The following ATP7A variants were observed in gnomAD, a reference collection of about 807,000 sequenced individuals.
The protein encoded by ATP7A is copper-transporting ATPase 1.
A neutral mutation model predicts 83.5 loss-of-function variants in ATP7A; 7 were observed. That is an observed-to-expected ratio of 0.08 (90% confidence interval 0.05 to 0.16). The LOEUF is 0.16. Ranked by LOEUF, ATP7A falls within the 10% of genes least tolerant of loss-of-function variation. The probability of loss-of-function intolerance (pLI) is 1.00; values close to 1 mark genes in which losing one functional copy is unlikely to be tolerated. For synonymous variants in ATP7A, 354 were observed against 395.2 expected (o/e 0.90, Z 1.24); for missense variants, 940 against 1,120.8 (o/e 0.84, Z 2.30).
Position 77,983,052 on chromosome X carries a change from C to G in ATP7A, c.121-5190C>G, listed in dbSNP as rs150730521. 4.9e-3 allele frequency among the ~76,000 whole-genome samples: 542 copies of G among 111,548 alleles called. 2 individuals are homozygous for G. The highest frequency in any genetic ancestry group is 0.014 in the South Asian group (37 of 2,660). On this transcript the variant is annotated intron_variant, in intron 2 of 22. Transcript: ENST00000341514. ...AAGGGACAGGGTAGCTCTCTGGGAC[C>G]TCTTTTATAAGGGCACAAATCCCAA...
intron 1 of ATP7A, among the ~76,000 whole-genome samples, chrX:77,953,366 T>C (rs1443764558): frequency 1.8e-5 from 2 of 111,695 alleles, no homozygotes; most frequent in African/African-American, 6.5e-5. Context: ...ATCAGGTGAT[T>C]GTTTTGATGA....
chrX:78,029,263 G>A lies in ATP7A; in HGVS notation c.2930G>A (p.Ser977Asn). Residue 977 changes from serine (S) to asparagine (N), a missense_variant, in exon 15 of 23, where the codon AGT becomes AAT. Around this residue, in one of 3 missense-constraint regions of ATP7A, gnomAD observed 386 missense variants for 502.2 expected, o/e 0.77. Transcript: ENST00000341514. ...TTTCTTCTAAAGGGCTACAATAGAA[G>A]TATCTCCCGAACAGAAACGATAATA... ...VETYFPGYNR[S>N]ISRTETIIRF... The A allele has an allele frequency of 1.7e-6, 2 of 1,210,861 alleles. No individual in the cohort carries two copies. The highest frequency in any genetic ancestry group is 2.2e-6 in the Non-Finnish European group (2 of 894,788).
intron 1 of ATP7A, among the ~76,000 whole-genome samples, chrX:77,934,544 A>G (rs193132796): frequency 8.1e-5 from 9 of 111,675 alleles, no homozygotes; most frequent in South Asian, 3.7e-4. Context: ...ACGCAGGTAC[A>G]TTGCAGCTGA....
intron 2 of ATP7A, among the ~76,000 whole-genome samples, chrX:77,976,401 C>A (rs1034261300): frequency 8.9e-6 from 1 of 112,095 alleles, no homozygotes; most frequent in Admixed American, 9.5e-5. Flanking sequence ...AGAATTTATA[C>A]TTTATCTCTG....
chrX:77,987,444 TTGTGTGTG>T lies in ATP7A; in HGVS notation c.121-762_121-755del, dbSNP rs3986431. Among the ~76,000 whole-genome samples the T allele has an allele frequency of 3.1e-4, 27 of 85,862 alleles. 1 individual carries two copies. The highest frequency in any genetic ancestry group is 7.1e-4 in the African/African-American group (16 of 22,686). 74.6% of individuals were successfully genotyped at this position (85,862 alleles called of 115,157 possible). A position where few individuals can be genotyped will look rare whatever the true frequency, so the allele number is the denominator to read the frequency against. ...AATCTTCTGACTCCCAACCCAGTAT[TTGTGTGTG>T]TGTGTGTGTGTGTGTGTGTGTGTGT... On this transcript the variant is annotated intron_variant, in intron 2 of 22. Coordinates refer to ENST00000341514, the MANE Select transcript of ATP7A (RefSeq NM_000052.7).
At chrX:77,971,231 A>G (rs782106203) in intron 1 of ATP7A, among the ~76,000 whole-genome samples, 77 of 111,570 alleles carry the variant, frequency 6.9e-4, no homozygotes, top group African/African-American at 2.5e-3. Context: ...ATCATGTGGG[A>G]CCTTGTTGGC....
chrX:77,966,150 G>A (rs1269803339), intron 1 of ATP7A, among the ~76,000 whole-genome samples: 4 of 112,167 alleles, frequency 3.6e-5, no homozygotes, highest in African/African-American at 1.3e-4. Context: ...TATATAATAC[G>A]TGAACTACAT....
At chrX:77,943,465 C>G (rs1471019411) in intron 1 of ATP7A, among the ~76,000 whole-genome samples, 1 of 111,668 alleles carries the variant, frequency 9.0e-6, no homozygotes, top group African/African-American at 3.2e-5. Flanking sequence ...AAAAAGCTAT[C>G]TACAAATGTC....
At chrX:78,044,799 GT>G (rs1557238891) in intron 21 of ATP7A, among the ~76,000 whole-genome samples, 2 of 111,711 alleles carry the variant, frequency 1.8e-5, no homozygotes, top group Non-Finnish European at 3.8e-5. Flanking sequence ...AATAAGTATT[GT>G]TTTCTTCTTG....
At position 78,046,870 on chromosome X, in the gene ATP7A, A is replaced by AT. The variant is rs200579535; in HGVS notation, c.*310dup. 223 of 167,319 alleles carry AT rather than the reference A, an allele frequency of 1.3e-3. No individual in the cohort carries two copies. Among genetic ancestry groups the AT allele is most frequent in the Non-Finnish European group, 1.6e-3 (151 of 95,655 alleles). 13.8% of individuals were successfully genotyped at this position (167,319 alleles called of 1,213,427 possible). On this transcript the variant is annotated 3_prime_UTR_variant, in exon 23 of 23. Transcript: ENST00000341514. ...AGATTGCTGAACTGCTGCTAAAGTG[A>AT]TTTTTTTTTTATTTGACCAAAAAAA...
Position 78,031,547 on chromosome X carries a change from C to A in ATP7A, c.3259C>A (p.Pro1087Thr). 8.3e-7 allele frequency: 1 copy of A among 1,210,862 alleles called. No individual in the cohort carries two copies. Residue 1087 changes from proline (P) to threonine (T), a missense_variant, in exon 16 of 23, where the codon CCT becomes ACT. Physicochemically the swap from Pro to Thr is conservative, Grantham distance 38. Coordinates refer to ENST00000341514, the MANE Select transcript of ATP7A (RefSeq NM_000052.7). ...VGTAESNSEH[P>T]LGTAITKYCK... ...AACTGCTGAAAGTAACAGTGAACAC[C>A]CTCTAGGAACAGCCATAACCAAATA...
intron 7 of ATP7A, among the ~76,000 whole-genome samples, chrX:78,010,453 C>T (rs1013102189): frequency 7.3e-5 from 8 of 109,473 alleles, no homozygotes; most frequent in African/African-American, 2.7e-4. Context: ...GGGTAGTTTC[C>T]TTTTTATACT....
intron 1 of ATP7A, among the ~76,000 whole-genome samples, chrX:77,916,715 T>G (rs1443979011): frequency 8.9e-6 from 1 of 111,908 alleles, no homozygotes; most frequent in Non-Finnish European, 1.9e-5. Context: ...CTTACAAAGT[T>G]GTGTGTAAAT....
intron 1 of ATP7A, among the ~76,000 whole-genome samples, chrX:77,971,108 G>A (rs1557229624): frequency 9.0e-6 from 1 of 111,538 alleles, no homozygotes; most frequent in Non-Finnish European, 1.9e-5. Flanking sequence ...CTTGAAGTAG[G>A]AGTCATCCTT....
At chrX:77,916,435 C>T (rs1340170674) in intron 1 of ATP7A, among the ~76,000 whole-genome samples, 2 of 108,584 alleles carry the variant, frequency 1.8e-5, no homozygotes, top group Admixed American at 9.9e-5. Flanking sequence ...GCCTATAGTA[C>T]ACCTACATAT....
At chrX:78,007,546 C>T (rs781925296) in intron 6 of ATP7A, among the ~76,000 whole-genome samples, 2 of 111,508 alleles carry the variant, frequency 1.8e-5, no homozygotes, top group Non-Finnish European at 3.8e-5. Flanking sequence ...AGGATGGTCT[C>T]GATCTCCTGA....
In ATP7A at chrX:77,969,305, C is replaced by T. The variant is rs782627883; in HGVS notation, c.-21-2316C>T. On this transcript the variant is annotated intron_variant, in intron 1 of 22. Transcript: ENST00000341514. ...TCATAGGAGCGCCTCCAGATCTTCA[C>T]CTGGGCCTCACCATGCTTTGCAGCA... is the stretch of plus-strand genomic sequence containing the variant. 182 of 1,210,063 alleles carry T rather than the reference C, an allele frequency of 1.5e-4. 1 individual carries two copies. The highest frequency in any genetic ancestry group is 2.7e-5 in the Non-Finnish European group (24 of 895,160).
At chrX:77,998,753 A>C in intron 5 of ATP7A, 69 bp downstream of exon 5, 2 of 1,058,417 alleles carry the variant, frequency 1.9e-6, no homozygotes, top group South Asian at 3.8e-5. Context: ...GTTCTCTTAC[A>C]TGTTTTGTAA....
intron 1 of ATP7A, among the ~76,000 whole-genome samples, chrX:77,945,321 T>G (rs2077372640): frequency 9.0e-6 from 1 of 110,875 alleles, no homozygotes; most frequent in Admixed American, 9.6e-5. Flanking sequence ...GGGACCACAG[T>G]CATTCACTAC....
Sources: gnomAD v4.1 joint callset for allele counts (sites outside exome capture counted in the v4.1 genomes callset) on GRCh38, gnomAD v4.1.1 for gene constraint, gnomAD v4.1.1 regional missense constraint, MANE v1.5 for transcripts, NCBI Gene and HGNC (gene_info 2026-07-23, HGNC 2026-07-21) for gene names.